Variants in SNX29 observed in about 807,000 individuals in gnomAD.
SNX29 encodes the protein sorting nexin 29, also known as sorting nexin-29.
In SNX29, 78 loss-of-function variants were observed where a neutral mutation model predicts 102.1. The ratio of observed to expected loss-of-function variants is 0.76; its 90% CI spans 0.64 to 0.92. The LOEUF (loss-of-function observed/expected upper bound fraction) is 0.92. SNX29 is among the 40% of genes least tolerant of loss of function. The pLI, the probability that SNX29 is intolerant of heterozygous loss-of-function variation, is 0.00. For missense variants in SNX29, 1,280 were observed against 1,061.7 expected, an observed-to-expected ratio of 1.21 and a Z score of -2.86; for synonymous variants, 580 against 414.5, an observed-to-expected ratio of 1.40 and a Z score of -4.85.
intron 18 of SNX29, among the ~76,000 whole-genome samples, chr16:12,457,435 C>T (rs963234230): frequency 6.6e-6 from 1 of 152,178 alleles, no homozygotes; most frequent in Non-Finnish European, 1.5e-5. Flanking sequence ...AGGCATCTGT[C>T]TGTGTTTTGC....
intron 14 of SNX29, among the ~76,000 whole-genome samples, chr16:12,205,188 C>T (rs1567309702): frequency 6.6e-6 from 1 of 152,098 alleles, no homozygotes; most frequent in Non-Finnish European, 1.5e-5. Flanking sequence ...TTTTTCTGAA[C>T]CATTGCAGGC....
intron 11 of SNX29, among the ~76,000 whole-genome samples, chr16:12,119,107 A>T (rs2141329315): frequency 6.6e-6 from 1 of 152,312 alleles, no homozygotes; most frequent in Non-Finnish European, 1.5e-5. Flanking sequence ...GTGTTTAAAA[A>T]TCAGATCTGT....
chr16:12,461,505 T>C (rs922070592), intron 18 of SNX29, among the ~76,000 whole-genome samples: 56 of 152,162 alleles, frequency 3.7e-4, no homozygotes, highest in African/African-American at 1.2e-3. Context: ...TTAAAACTCG[T>C]CTCCTCTATC....
chr16:12,308,796 C>G lies in SNX29; in HGVS notation c.1782+30760C>G, dbSNP rs906000396. 2.6e-5 allele frequency among the ~76,000 whole-genome samples: 4 copies of G among 151,988 alleles called. No individual in the cohort carries two copies. In the East Asian group the frequency reaches 7.7e-4, roughly 29 times the overall value. ...TGACAACATGTAAGGATTTATTTAT[C>G]TAATGAGCAAAAGAAACAAGAACGC... On this transcript the variant is annotated intron_variant, in intron 15 of 20. Coordinates refer to ENST00000566228, the MANE Select transcript of SNX29 (RefSeq NM_032167.5).
intron 16 of SNX29, among the ~76,000 whole-genome samples, chr16:12,358,377 C>A (rs1281987917): frequency 6.6e-6 from 1 of 152,144 alleles, no homozygotes; most frequent in East Asian, 1.9e-4. Flanking sequence ...CGAGACCAGC[C>A]TGGTCAAAAT....
At chr16:12,363,966 A>G (rs2082377754) in intron 16 of SNX29, among the ~76,000 whole-genome samples, 1 of 152,166 alleles carries the variant, frequency 6.6e-6, no homozygotes, top group Non-Finnish European at 1.5e-5. Context: ...TTTTAGGATT[A>G]GGAATGCTTA....
chr16:12,142,081 T>G (rs2054887998), intron 13 of SNX29, among the ~76,000 whole-genome samples: 1 of 152,214 alleles, frequency 6.6e-6, no homozygotes, highest in Non-Finnish European at 1.5e-5. Flanking sequence ...TTCCCAAGTG[T>G]TCTCTTTTTC....
At chr16:12,556,458 G>A (rs901137525) in intron 20 of SNX29, 1 of 152,284 alleles carries the variant, frequency 6.6e-6, no homozygotes, top group African/African-American at 2.4e-5. Flanking sequence ...GAACTCTTAG[G>A]CGAAGGCCAA....
At chr16:12,472,529 C>CA (rs60223249) in intron 18 of SNX29, among the ~76,000 whole-genome samples, 11,480 of 72,414 alleles carry the variant, frequency 0.16, 872 homozygotes, top group African/African-American at 0.27. Context: ...AAAAAAAAAC[C>CA]AAAAAAAAAA....
At chr16:12,508,727 G>GT (rs2089482834) in intron 19 of SNX29, among the ~76,000 whole-genome samples, 1 of 152,136 alleles carries the variant, frequency 6.6e-6, no homozygotes, top group Admixed American at 6.5e-5. Context: ...TTCACTCCAG[G>GT]TTTCTTTTAT....
At chr16:12,355,170 C>T (rs1459905641) in intron 15 of SNX29, among the ~76,000 whole-genome samples, 2 of 152,248 alleles carry the variant, frequency 1.3e-5, no homozygotes, top group South Asian at 2.1e-4. Flanking sequence ...AGGAAACATA[C>T]CCCTTTGGCT....
chr16:12,452,993 C>T (rs944487449), intron 18 of SNX29, among the ~76,000 whole-genome samples: 1 of 152,192 alleles, frequency 6.6e-6, no homozygotes, highest in African/African-American at 2.4e-5. Flanking sequence ...CACCCACTTT[C>T]TCAAGGCACG....
chr16:12,422,359 C>G (rs1048289498), intron 18 of SNX29, among the ~76,000 whole-genome samples: 2 of 152,218 alleles, frequency 1.3e-5, no homozygotes, highest in East Asian at 1.9e-4. Flanking sequence ...CTTCCTGTTA[C>G]CACAGCCCTT....
At chr16:12,556,123 T>C (rs1213732918) in intron 20 of SNX29, among the ~76,000 whole-genome samples, 3 of 152,230 alleles carry the variant, frequency 2.0e-5, no homozygotes, top group Non-Finnish European at 2.9e-5. Context: ...ATTACTCTTA[T>C]GTTCTCAAAG....
Position 12,572,966 on chromosome 16 carries a change from TTTCAAAATATTGTGCATTAA to T in SNX29, c.*4342_*4361del, listed in dbSNP as rs1281114845. 2 of 565,200 alleles carry T rather than the reference TTTCAAAATATTGTGCATTAA, an allele frequency of 3.5e-6. 1 individual carries two copies. Among genetic ancestry groups the T allele is most frequent in the African/African-American group, 3.9e-5 (2 of 51,156 alleles). The allele number at this position is 565,200 out of a possible 1,614,324, so 35.0% of individuals were successfully genotyped here. A position where few individuals can be genotyped will look rare whatever the true frequency, so the allele number is the denominator to read the frequency against. On this transcript the variant is annotated 3_prime_UTR_variant, in exon 21 of 21. Transcript: ENST00000566228. ...CTGCTTATGAGCAAGGTCAAAGATT[TTTCAAAATATTGTGCATTAA>T]TTCATTAAAGCTACTGTTAAATATT...
intron 14 of SNX29, among the ~76,000 whole-genome samples, chr16:12,225,456 C>T (rs905981887): frequency 2.0e-5 from 3 of 152,140 alleles, no homozygotes; most frequent in East Asian, 1.9e-4. Context: ...GCTTTAAAAA[C>T]GGGACTTTCC....
chr16:12,071,147 TTGC>T (rs1343073823), intron 10 of SNX29, among the ~76,000 whole-genome samples: 3 of 151,368 alleles, frequency 2.0e-5, no homozygotes, highest in Non-Finnish European at 4.4e-5. Flanking sequence ...GTAGTTTCTT[TTGC>T]TGTGCAGAAG....
At chr16:12,281,599 C>T (rs1047797129) in intron 15 of SNX29, among the ~76,000 whole-genome samples, 3 of 152,342 alleles carry the variant, frequency 2.0e-5, no homozygotes, top group Non-Finnish European at 4.4e-5. Context: ...CCCTGTAATA[C>T]TAGCAGCAGC....
intron 20 of SNX29, among the ~76,000 whole-genome samples, chr16:12,555,911 A>C (rs1046187466): frequency 6.6e-6 from 1 of 151,702 alleles, no homozygotes; most frequent in Non-Finnish European, 1.5e-5. Flanking sequence ...CTCAAACCTT[A>C]TTTTTGCGTA....
Sources: allele counts gnomAD v4.1 joint callset (sites outside exome capture counted in the v4.1 genomes callset), GRCh38; gene constraint gnomAD v4.1.1; transcripts MANE v1.5; gene names NCBI Gene and HGNC (gene_info 2026-07-23, HGNC 2026-07-21).